ITPRID2: variants seen among roughly 807,000 people sequenced by gnomAD.
The protein encoded by ITPRID2 is protein ITPRID2.
ITPRID2 carries 60 observed loss-of-function variants against 124.3 expected under a neutral mutation model. That is an observed-to-expected ratio of 0.48 (90% confidence interval 0.39 to 0.60). The LOEUF (loss-of-function observed/expected upper bound fraction) is 0.60. ITPRID2 is among the 20% of genes least tolerant of loss of function. The pLI is 0.00. For synonymous variants in ITPRID2, 521 were observed against 542.9 expected, an observed-to-expected ratio of 0.96 and a Z score of 0.56; for missense variants, 1,553 against 1,512.2, an observed-to-expected ratio of 1.03 and a Z score of -0.45.
At chr2:181,908,074 G>T (rs1693293974) in intron 8 of ITPRID2, among the ~76,000 whole-genome samples, 1 of 152,116 alleles carries the variant, frequency 6.6e-6, no homozygotes, top group African/African-American at 2.4e-5. Context: ...ATAATTCTGT[G>T]TTTAAAGGTG....
rs1260874665 is a variant in ITPRID2, at chr2:181,896,628, G to A, written c.308-280G>A. Among the ~76,000 whole-genome samples, 3 of 151,974 alleles carry A rather than the reference G, an allele frequency of 2.0e-5. No homozygotes were observed. Among genetic ancestry groups the A allele is most frequent in the Non-Finnish European group, 4.4e-5 (3 of 67,862 alleles). On this transcript the variant is annotated intron_variant, in intron 3 of 17. Coordinates refer to ENST00000431877, the MANE Select transcript of ITPRID2 (RefSeq NM_001130445.3). This position sits in a 1 kb window ranked among gnomAD's most constrained non-coding sequence, Gnocchi z 4.3. ...TGGTTTTCCATGAAACTCTTGGTATGTAGTCTGATTGAACATCTTCAAAAA... is the reference window on the plus strand; with the variant it reads ...TGGTTTTCCATGAAACTCTTGGTATATAGTCTGATTGAACATCTTCAAAAA...
Position 181,929,784 on chromosome 2 carries a change from G to T in ITPRID2, c.*237G>T. The T allele has an allele frequency of 1.9e-6, 1 of 516,318 alleles. No individual in the cohort carries two copies. The highest frequency in any genetic ancestry group is 5.1e-5 in the South Asian group (1 of 19,664). The allele number at this position is 516,318 out of a possible 1,614,324, so 32.0% of individuals were successfully genotyped here. A position where few individuals can be genotyped will look rare whatever the true frequency, so the allele number is the denominator to read the frequency against. On this transcript the variant is annotated 3_prime_UTR_variant, in exon 18 of 18. Transcript: ENST00000431877. ...ATCAAAAACTCTAGCAGTTTGAAAA[G>T]CCTAATATTTATTTGTATGTCAGTA...
Position 181,892,845 on chromosome 2 carries a change from AT to A in ITPRID2, c.257+188del, listed in dbSNP as rs2125055822. Reference sequence around the variant, plus strand: ...AATGGAAGTGCTGTGACCGCTGATTATTTGGTGACCGTGTTGACTTTACAGT... The same window carrying A: ...AATGGAAGTGCTGTGACCGCTGATTATTGGTGACCGTGTTGACTTTACAGT... On this transcript the variant is annotated intron_variant, in intron 2 of 17. Coordinates refer to ENST00000431877, the MANE Select transcript of ITPRID2 (RefSeq NM_001130445.3). The surrounding 1 kb of genome is among the most constrained non-coding windows in gnomAD (Gnocchi z 5.2). The A allele has an allele frequency of 1.5e-6, 1 of 653,136 alleles. No individual in the cohort carries two copies. Among genetic ancestry groups the A allele is most frequent in the East Asian group, 2.7e-5 (1 of 36,530 alleles). The allele number at this position is 653,136 out of a possible 1,614,324, so 40.5% of individuals were successfully genotyped here.
rs1437923039 is a variant in ITPRID2 at position 181,892,552 on chromosome 2, G to A, written c.212-63G>A. ...AGATTTTCCTACTTGGGAGGGTCCA[G>A]GGTGACTCCGCCGTCGTAGTGCTCC... On this transcript the variant is annotated intron_variant, in intron 1 of 17. Coordinates refer to ENST00000431877, the MANE Select transcript of ITPRID2 (RefSeq NM_001130445.3). The surrounding 1 kb of genome is among the most constrained non-coding windows in gnomAD (Gnocchi z 5.2). 6.2e-7 allele frequency: 1 copy of A among 1,602,292 alleles called. No homozygotes were observed. The highest frequency in any genetic ancestry group is 1.3e-5 in the African/African-American group (1 of 74,664).
chr2:181,916,239 A>G lies in ITPRID2; in HGVS notation c.2599A>G (p.Thr867Ala). The G allele has an allele frequency of 6.2e-7, 1 of 1,614,120 alleles. No individual in the cohort carries two copies. Among genetic ancestry groups the G allele is most frequent in the Non-Finnish European group, 8.5e-7 (1 of 1,180,016 alleles). ...GTGTGAGCACACAAGAACTCTGAGC[A>G]CTCACAGTGTTCCCAACATATCAGG... The part of the protein sequence containing the change: ...PLCEHTRTLS[T>A]HSVPNISGAT... The change falls in exon 11 of 18, where the codon ACT becomes GCT. Residue 867 changes from threonine to alanine, a missense_variant. Transcript: ENST00000431877.
chr2:181,922,210 C>T lies in ITPRID2; in HGVS notation c.3473C>T (p.Thr1158Ile). The T allele has an allele frequency of 6.2e-7, 1 of 1,614,266 alleles. No homozygotes were observed. Among genetic ancestry groups the T allele is most frequent in the Non-Finnish European group, 8.5e-7 (1 of 1,180,054 alleles). ...VFRASVALTP[T>I]APSRTGSVQT... ...CGAGCATCGGTGGCTCTAACGCCAA[C>T]AGCTCCTTCTAGAACAGGCTCTGTG... The change falls in exon 16 of 18, where the codon ACA becomes ATA. Residue 1158 changes from threonine (T) to isoleucine (I), a missense_variant. Thr to Ile is a moderately conservative substitution (Grantham distance 89). Coordinates refer to ENST00000431877, the MANE Select transcript of ITPRID2 (RefSeq NM_001130445.3).
At position 181,913,945 on chromosome 2, in the gene ITPRID2, T is replaced by C; in HGVS notation, c.1575+12T>C. On this transcript the variant is annotated intron_variant, in intron 10 of 17. Transcript: ENST00000431877. ...TTAATCATCTTCAGGTAAAATTTTC[T>C]GTTCTAATAGGCACTATGATTAACT... is the stretch of plus-strand genomic sequence containing the variant. The C allele has an allele frequency of 6.9e-6, 11 of 1,594,286 alleles. No homozygotes were observed. Among genetic ancestry groups the C allele is most frequent in the Non-Finnish European group, 9.5e-6 (11 of 1,163,760 alleles).
chr2:181,898,983 A>T (rs1692442680), intron 5 of ITPRID2, 31 bp from the exon 6 acceptor site: 1 of 1,597,128 alleles, frequency 6.3e-7, no homozygotes, highest in Non-Finnish European at 8.6e-7. Flanking sequence ...ATAAAGTTAT[A>T]AAGTTTTATA....
At chr2:181,923,761 G>T (rs1464686126) in intron 16 of ITPRID2, among the ~76,000 whole-genome samples, 2 of 150,802 alleles carry the variant, frequency 1.3e-5, no homozygotes, top group Admixed American at 1.3e-4. Flanking sequence ...ACTTTATATT[G>T]CTCTTTTAAA....
intron 4 of ITPRID2, among the ~76,000 whole-genome samples, chr2:181,898,658 A>G (rs997637534): frequency 4.6e-5 from 7 of 152,178 alleles, no homozygotes; most frequent in Admixed American, 3.3e-4. Flanking sequence ...AGTTAGTTTC[A>G]TGTTGCCACA....
intron 4 of ITPRID2, among the ~76,000 whole-genome samples, chr2:181,897,701 TAAA>T (rs901432438): frequency 1.3e-5 from 2 of 151,764 alleles, no homozygotes; most frequent in African/African-American, 4.8e-5. Flanking sequence ...TGTACTTTTT[TAAA>T]AAAAACAAGG....
At chr2:181,897,970 A>C (rs1409535666) in intron 4 of ITPRID2, among the ~76,000 whole-genome samples, 1 of 152,020 alleles carries the variant, frequency 6.6e-6, no homozygotes. Flanking sequence ...TCAATCCGTT[A>C]TTAAAATGCA....
rs750351073 is a variant in ITPRID2 at position 181,902,389 on chromosome 2, G to A, written c.1336G>A (p.Glu446Lys). The stretch of plus-strand genomic sequence containing the variant: ...TGTCCATATATCCACACCTGAAAAA[G>A]AGCCTTGTGCACCACTGACAATACC... ...KSVHISTPEKEPCAPLTIPSI... is the reference protein window; with the variant it reads ...KSVHISTPEKKPCAPLTIPSI... Residue 446 changes from glutamate (E) to lysine (K), a missense_variant, in exon 8 of 18, where the codon GAG becomes AAG. Physicochemically the swap from Glu to Lys is moderately conservative, Grantham distance 56. Coordinates refer to ENST00000431877, the MANE Select transcript of ITPRID2 (RefSeq NM_001130445.3). The surrounding 1 kb of genome is among the most constrained non-coding windows in gnomAD (Gnocchi z 4.4). 1.2e-6 allele frequency: 2 copies of A among 1,613,724 alleles called. No homozygotes were observed. The highest frequency in any genetic ancestry group is 1.7e-6 in the Non-Finnish European group (2 of 1,179,854).
intron 10 of ITPRID2, among the ~76,000 whole-genome samples, chr2:181,915,003 A>T (rs1032845368): frequency 2.6e-5 from 4 of 152,180 alleles, no homozygotes; most frequent in African/African-American, 9.7e-5. Flanking sequence ...AATTTTAGGA[A>T]AACAGTGAAG....
At chr2:181,916,523 A>G in intron 11 of ITPRID2, 96 bp downstream of exon 11, 1 of 1,394,272 alleles carries the variant, frequency 7.2e-7, no homozygotes, top group Non-Finnish European at 9.6e-7. Flanking sequence ...AGTATGAACT[A>G]CCTCAGCTTT....
rs930810769 is a variant in ITPRID2, at chr2:181,915,397, C to G, written c.1757C>G (p.Ala586Gly). ...QKGLEKAAAVADKRKSGSQDF... is the reference protein window; with the variant it reads ...QKGLEKAAAVGDKRKSGSQDF... ...GGACTAGAGAAGGCAGCAGCAGTTG[C>G]AGACAAAAGAAAATCAGGTAGCCAG... The change falls in exon 11 of 18, where the codon GCA becomes GGA. Residue 586 changes from alanine to glycine, a missense_variant. Physicochemically the swap from Ala to Gly is moderately conservative, Grantham distance 60 (BLOSUM62 0). Coordinates refer to ENST00000431877, the MANE Select transcript of ITPRID2 (RefSeq NM_001130445.3). The G allele has an allele frequency of 6.2e-7, 1 of 1,614,106 alleles. No homozygotes were observed. The highest frequency in any genetic ancestry group is 8.5e-7 in the Non-Finnish European group (1 of 1,180,032).
In ITPRID2 at chr2:181,910,282, C is replaced by G. The variant is rs1167071487; in HGVS notation, c.1486+311C>G. On this transcript the variant is annotated intron_variant, in intron 9 of 17. Transcript: ENST00000431877. This position sits in a 1 kb window ranked among gnomAD's most constrained non-coding sequence, Gnocchi z 4.1. The stretch of plus-strand genomic sequence containing the variant: ...TGATAGAGCAATGGATTAAGACTAC[C>G]TTTTACATTGTTATGACTGAAAAAT... Among the ~76,000 whole-genome samples, 2 of 152,190 alleles carry G rather than the reference C, an allele frequency of 1.3e-5. No individual in the cohort carries two copies. Among genetic ancestry groups the G allele is most frequent in the South Asian group, 2.1e-4 (1 of 4,810 alleles).
chr2:181,903,390 G>C (rs1692837731), intron 8 of ITPRID2, among the ~76,000 whole-genome samples: 1 of 152,176 alleles, frequency 6.6e-6, no homozygotes, highest in Non-Finnish European at 1.5e-5. Context: ...TATTACATTA[G>C]ATGCGTTTTA....
chr2:181,924,508 A>G (rs956239023), intron 16 of ITPRID2, among the ~76,000 whole-genome samples: 1 of 152,168 alleles, frequency 6.6e-6, no homozygotes, highest in Non-Finnish European at 1.5e-5. Flanking sequence ...TAACAAAGCC[A>G]CCATTCAGGA....
Sources: allele counts gnomAD v4.1 joint callset (sites outside exome capture counted in the v4.1 genomes callset), GRCh38; gene constraint gnomAD v4.1.1; non-coding constraint Gnocchi (gnomAD v3.1); transcripts MANE v1.5; gene names NCBI Gene and HGNC (gene_info 2026-07-23, HGNC 2026-07-21).